Variants in GALNT3 observed in about 807,000 individuals in gnomAD.
GALNT3 encodes the protein GalNAc transferase 3.
GALNT3 carries 51 observed loss-of-function variants against 69.8 expected under a neutral mutation model. The ratio of observed to expected loss-of-function variants is 0.73; its 90% CI spans 0.58 to 0.92. The LOEUF is 0.92. GALNT3 is among the 40% of genes least tolerant of loss of function. The pLI, the probability that GALNT3 is intolerant of heterozygous loss-of-function variation, is 0.00. For synonymous variants in GALNT3, 265 were observed against 248.5 expected (o/e 1.07, Z -0.63); for missense variants, 711 against 760.0 (o/e 0.94, Z 0.76).
chr2:165,762,779 C>T (rs1688574943), intron 3 of GALNT3, among the ~76,000 whole-genome samples: 1 of 152,042 alleles, frequency 6.6e-6, no homozygotes, highest in African/African-American at 2.4e-5. Context: ...TAACAAATGT[C>T]AATCCAGTGT....
chr2:165,751,322 G>C (rs1026428068), intron 9 of GALNT3, among the ~76,000 whole-genome samples: 1 of 152,008 alleles, frequency 6.6e-6, no homozygotes, highest in Non-Finnish European at 1.5e-5. Context: ...CATATATCTT[G>C]AGTTTCCCTA....
chr2:165,780,371 A>G (rs1039095657), intron 1 of GALNT3, among the ~76,000 whole-genome samples: 3 of 152,148 alleles, frequency 2.0e-5, no homozygotes, highest in African/African-American at 4.8e-5. Context: ...CTTGTCACCA[A>G]TCTTCCAATC....
At chr2:165,752,879 C>A (rs1489422523) in intron 9 of GALNT3, among the ~76,000 whole-genome samples, 1 of 151,948 alleles carries the variant, frequency 6.6e-6, no homozygotes, top group African/African-American at 2.4e-5. Context: ...TAAGAAAATT[C>A]TTAAAAAGAT....
At chr2:165,787,726 T>C (rs1195658119) in intron 1 of GALNT3, among the ~76,000 whole-genome samples, 4 of 152,216 alleles carry the variant, frequency 2.6e-5, no homozygotes, top group Non-Finnish European at 5.9e-5. Context: ...TGTTTTTCTT[T>C]GTTTGGTCTA....
intron 3 of GALNT3, among the ~76,000 whole-genome samples, chr2:165,763,763 C>T (rs1240677267): frequency 2.6e-5 from 4 of 152,126 alleles, no homozygotes; most frequent in Admixed American, 6.6e-5. Context: ...TTTATATCTG[C>T]ACCCTAAATT....
chr2:165,783,513 C>T (rs754802372), intron 1 of GALNT3, among the ~76,000 whole-genome samples: 2 of 152,178 alleles, frequency 1.3e-5, no homozygotes, highest in Non-Finnish European at 2.9e-5. Context: ...CACTCCTCCT[C>T]CATCTCTCAG....
At position 165,770,583 on chromosome 2, in the gene GALNT3, C is replaced by T; in HGVS notation, c.118G>A (p.Glu40Lys). The change falls in exon 2 of 11, where the codon GAA (glutamate) becomes AAA (lysine). Residue 40 changes from glutamate (E) to lysine (K), a missense_variant. Physicochemically the swap from Glu to Lys is moderately conservative, Grantham distance 56. Coordinates refer to ENST00000392701, the MANE Select transcript of GALNT3 (RefSeq NM_004482.4). Reference protein sequence around the residue: ...FIIVLVLMQREVSVQYSKEES... With the variant: ...FIIVLVLMQRKVSVQYSKEES... The stretch of plus-strand genomic sequence containing the variant: ...TCTTTGGAATATTGAACACTTACTT[C>T]TCTTTGCATTAAAACCAAAACTATT... The T allele has an allele frequency of 6.2e-7, 1 of 1,610,524 alleles. No individual in the cohort carries two copies. Among genetic ancestry groups the T allele is most frequent in the Non-Finnish European group, 8.5e-7 (1 of 1,178,310 alleles).
intron 6 of GALNT3, among the ~76,000 whole-genome samples, chr2:165,758,233 A>G (rs1453366146): frequency 6.6e-6 from 1 of 152,202 alleles, no homozygotes; most frequent in Non-Finnish European, 1.5e-5. Context: ...GAGATGAAAA[A>G]TGAATGATAA....
At chr2:165,789,862 T>C (rs943592534) in intron 1 of GALNT3, among the ~76,000 whole-genome samples, 1 of 152,200 alleles carries the variant, frequency 6.6e-6, no homozygotes, top group African/African-American at 2.4e-5. Context: ...GAATACACAA[T>C]CACAATAGCC....
chr2:165,757,351 G>C, intron 6 of GALNT3, 104 bp from the exon 7 acceptor site: 2 of 1,065,006 alleles, frequency 1.9e-6, no homozygotes, highest in South Asian at 2.7e-5. Context: ...AATTAGAGAA[G>C]AGATTACAAT....
chr2:165,784,784 T>C lies in GALNT3; in HGVS notation c.-109+9231A>G, dbSNP rs80034279. On this transcript the variant is annotated intron_variant, in intron 1 of 10. Transcript: ENST00000392701. The stretch of plus-strand genomic sequence containing the variant: ...CCAGTGAAACTAACAGAGGCAATGA[T>C]AGAGGGTAGAGTACAAGAAGGAGAC... 5.9e-3 allele frequency among the ~76,000 whole-genome samples: 895 copies of C among 152,234 alleles called. 10 individuals carry two copies. Among genetic ancestry groups the C allele is most frequent in the African/African-American group, 0.02 (851 of 41,536 alleles).
At chr2:165,777,992 C>A (rs1683006477) in intron 1 of GALNT3, among the ~76,000 whole-genome samples, 1 of 152,230 alleles carries the variant, frequency 6.6e-6, no homozygotes, top group South Asian at 2.1e-4. Context: ...AGACATCCAA[C>A]TTCTCAGCTA....
intron 1 of GALNT3, among the ~76,000 whole-genome samples, chr2:165,788,316 CAAA>C (rs59428597): frequency 0.022 from 1,090 of 49,306 alleles, 17 homozygotes; most frequent in African/African-American, 0.064. Context: ...GACATCACCT[CAAA>C]AAAAAAAAAA....
chr2:165,780,250 C>T (rs1458524965), intron 1 of GALNT3, among the ~76,000 whole-genome samples: 6 of 151,964 alleles, frequency 3.9e-5, no homozygotes, highest in African/African-American at 1.5e-4. Flanking sequence ...TTATTAAGAG[C>T]CTCCTCTGCA....
chr2:165,770,522 T>C lies in GALNT3; in HGVS notation c.179A>G (p.Asn60Ser). The change falls in exon 2 of 11, where the codon AAC (asparagine) becomes AGC (serine). Residue 60 changes from asparagine to serine, a missense_variant. Coordinates refer to ENST00000392701, the MANE Select transcript of GALNT3 (RefSeq NM_004482.4). ...SRMERNMKNK[N>S]KMLDLMLEAV... is the part of the protein sequence containing the mutation. ...TTCTAGCATTAAATCCAACATCTTGTTTTTGTTTTTCATGTTCCTTTCCAT... is the reference window on the plus strand; with the variant it reads ...TTCTAGCATTAAATCCAACATCTTGCTTTTGTTTTTCATGTTCCTTTCCAT... The C allele has an allele frequency of 1.2e-6, 2 of 1,614,180 alleles. No individual in the cohort carries two copies. The highest frequency in any genetic ancestry group is 1.7e-6 in the Non-Finnish European group (2 of 1,180,028).
In GALNT3 at chr2:165,770,377, C is replaced by T. The variant is rs1559001864; in HGVS notation, c.324G>A (p.Lys108=). Residue 108 remains lysine, a synonymous_variant, in exon 2 of 11, where the codon AAG becomes AAA. Coordinates refer to ENST00000392701, the MANE Select transcript of GALNT3 (RefSeq NM_004482.4). ...CCTGAGGTGGACGGTCAAGGACAGGCTTCAATTCTGCTGCTGTATAATATC... is the reference window on the plus strand; with the variant it reads ...CCTGAGGTGGACGGTCAAGGACAGGTTTCAATTCTGCTGCTGTATAATATC... ...LQGYYTAAEL[K]PVLDRPPQDS... is the part of the protein sequence containing the mutation. 1 of 1,614,204 alleles carries T rather than the reference C, an allele frequency of 6.2e-7. No individual in the cohort carries two copies. The highest frequency in any genetic ancestry group is 2.2e-5 in the East Asian group (1 of 44,888).
Position 165,785,999 on chromosome 2 carries a change from C to A in GALNT3, c.-109+8016G>T, listed in dbSNP as rs78203757. 5.9e-3 allele frequency among the ~76,000 whole-genome samples: 892 copies of A among 152,224 alleles called. 7 individuals carry two copies. Among genetic ancestry groups the A allele is most frequent in the African/African-American group, 0.021 (861 of 41,520 alleles). On this transcript the variant is annotated intron_variant, in intron 1 of 10. Coordinates refer to ENST00000392701, the MANE Select transcript of GALNT3 (RefSeq NM_004482.4). ...AATTCTACAAGTAAGGAATCCTACTCGTAATATGCTTGCTTGACTCTGTAG... is the reference window on the plus strand; with the variant it reads ...AATTCTACAAGTAAGGAATCCTACTAGTAATATGCTTGCTTGACTCTGTAG...
chr2:165,761,127 A>C (rs1558997367), intron 4 of GALNT3, among the ~76,000 whole-genome samples: 1 of 129,946 alleles, frequency 7.7e-6, no homozygotes, highest in Non-Finnish European at 1.6e-5. Context: ...AAAAAAAAAA[A>C]CACACACACA....
At chr2:165,783,880 T>C (rs1463417189) in intron 1 of GALNT3, among the ~76,000 whole-genome samples, 4 of 152,176 alleles carry the variant, frequency 2.6e-5, no homozygotes, top group Non-Finnish European at 5.9e-5. Flanking sequence ...CATAACATCA[T>C]TTTTTATTAT....
Sources: allele counts gnomAD v4.1 joint callset (sites outside exome capture counted in the v4.1 genomes callset), GRCh38; gene constraint gnomAD v4.1.1; transcripts MANE v1.5; gene names NCBI Gene and HGNC (gene_info 2026-07-23, HGNC 2026-07-21).